PCDHGA3: variants seen among roughly 807,000 people sequenced by gnomAD.
PCDHGA3 encodes the protein protocadherin gamma-A3.
A neutral mutation model predicts 58.5 loss-of-function variants in PCDHGA3; 40 were observed. The observed-to-expected ratio is 0.68, with a 90% CI of 0.53 to 0.89. The LOEUF is 0.89. Ranked by LOEUF, PCDHGA3 falls within the 40% of genes least tolerant of loss-of-function variation. The pLI is 0.00. For synonymous variants in PCDHGA3, 530 were observed against 525.7 expected (o/e 1.01, Z -0.11); for missense variants, 1,223 against 1,195.9 (o/e 1.02, Z -0.33).
At chr5:141,422,887 C>T in intron 1 of PCDHGA3, 1 of 1,614,264 alleles carries the variant, frequency 6.2e-7, no homozygotes, top group Non-Finnish European at 8.5e-7. Context: ...CCTGTTCGTG[C>T]TGGACCAGAA....
chr5:141,361,838 G>T lies in PCDHGA3; in HGVS notation c.2424+15381G>T, dbSNP rs761837286. ...CCACGGGTGCTGTACCCCGCGCTGG[G>T]GCCTGATGGCTCCGCCCTCTTCGAT... On this transcript the variant is annotated intron_variant, in intron 1 of 3. Coordinates refer to ENST00000253812, the MANE Select transcript of PCDHGA3 (RefSeq NM_018916.4). 27 of 1,612,714 alleles carry T rather than the reference G, an allele frequency of 1.7e-5. No individual in the cohort carries two copies. Among genetic ancestry groups the T allele is most frequent in the Non-Finnish European group, 2.2e-5 (26 of 1,179,748 alleles).
At chr5:141,497,956 C>T (rs2099780659) in intron 2 of PCDHGA3, among the ~76,000 whole-genome samples, 1 of 152,214 alleles carries the variant, frequency 6.6e-6, no homozygotes, top group African/African-American at 2.4e-5. Flanking sequence ...TTCTGTTGGC[C>T]AGGCAGTGTT....
intron 1 of PCDHGA3, chr5:141,374,257 G>A (rs1770316361): frequency 6.8e-6 from 11 of 1,614,042 alleles, no homozygotes; most frequent in Non-Finnish European, 7.6e-6. Context: ...AGCCCCAGGA[G>A]TTGGCGGAGC....
chr5:141,389,208 G>A (rs762367131), intron 1 of PCDHGA3: 7 of 1,613,930 alleles, frequency 4.3e-6, no homozygotes, highest in Non-Finnish European at 5.9e-6. Context: ...GCACATTGGT[G>A]ATGTAAATGA....
In PCDHGA3 at chr5:141,422,884, G is replaced by C. The variant is rs202035589; in HGVS notation, c.2425-71923G>C. On this transcript the variant is annotated intron_variant, in intron 1 of 3. Transcript: ENST00000253812. ...CAGCAACGTGTCGCTGAGCCTGTTC[G>C]TGCTGGACCAGAACGACAATGCGCC... The C allele has an allele frequency of 1.7e-4, 278 of 1,614,240 alleles. No homozygotes were observed. The African/African-American group carries it at 2.0e-3, about 12-fold the overall frequency.
intron 1 of PCDHGA3, chr5:141,408,156 T>C: frequency 6.6e-7 from 1 of 1,512,436 alleles, no homozygotes; most frequent in Non-Finnish European, 8.9e-7. Context: ...TAGAGTGCAC[T>C]TTCTCCAACT....
chr5:141,405,149 G>T (rs1469979881), intron 1 of PCDHGA3: 4 of 1,614,038 alleles, frequency 2.5e-6, no homozygotes, highest in Non-Finnish European at 3.4e-6. Context: ...TGATGGGTTG[G>T]CTGGTGTGCC....
chr5:141,387,793 A>T, intron 1 of PCDHGA3: 1 of 1,495,928 alleles, frequency 6.7e-7, no homozygotes, highest in Non-Finnish European at 8.9e-7. Flanking sequence ...CTGCAACTAA[A>T]GTCCGTTCGG....
intron 1 of PCDHGA3, among the ~76,000 whole-genome samples, chr5:141,443,654 G>A (rs2098397947): frequency 6.6e-6 from 1 of 152,150 alleles, no homozygotes; most frequent in Non-Finnish European, 1.5e-5. Context: ...TGTTAGCATA[G>A]CATTTTACTG....
chr5:141,380,568 A>T (rs1449370426), intron 1 of PCDHGA3, among the ~76,000 whole-genome samples: 1 of 152,214 alleles, frequency 6.6e-6, no homozygotes, highest in Admixed American at 6.5e-5. Context: ...TTTATTAAAC[A>T]TATCTTGGCG....
At chr5:141,427,526 G>A (rs956426158) in intron 1 of PCDHGA3, 2 of 612,866 alleles carry the variant, frequency 3.3e-6, no homozygotes, top group Middle Eastern at 2.6e-4. Context: ...AGCGGATCCC[G>A]GAGTACAACG....
At position 141,345,869 on chromosome 5, in the gene PCDHGA3, C is replaced by A. The variant is rs760004877; in HGVS notation, c.1836C>A (p.Ser612Arg). 2 of 1,613,278 alleles carry A rather than the reference C, an allele frequency of 1.2e-6. No individual in the cohort carries two copies. The highest frequency in any genetic ancestry group is 1.7e-6 in the Non-Finnish European group (2 of 1,179,890). ...AWLSYRLLKA[S>R]EPGLFSVGLH... Reference sequence around the variant, plus strand: ...TGTCCTACCGCCTGCTCAAGGCCAGCGAGCCGGGACTCTTCTCGGTGGGTC... The same window carrying A: ...TGTCCTACCGCCTGCTCAAGGCCAGAGAGCCGGGACTCTTCTCGGTGGGTC... Residue 612 changes from serine to arginine, a missense_variant, in exon 1 of 4, where the codon AGC becomes AGA. This residue lies in a region of PCDHGA3 where 107 missense variants were observed against 159.8 expected (regional missense o/e 0.67). Coordinates refer to ENST00000253812, the MANE Select transcript of PCDHGA3 (RefSeq NM_018916.4).
chr5:141,433,208 C>CTTTT, intron 1 of PCDHGA3: 1 of 1,293,074 alleles, frequency 7.7e-7, no homozygotes, highest in African/African-American at 1.5e-5. Flanking sequence ...AATCTTCTTT[C>CTTTT]TTTTTTTTTT....
rs374042624 is a variant in PCDHGA3, at chr5:141,394,490, G to A, written c.2424+48033G>A. The A allele has an allele frequency of 3.7e-6, 6 of 1,614,058 alleles. No individual in the cohort carries two copies. In the Admixed American group the frequency reaches 5.0e-5, roughly 13 times the overall value. ...TCGTGCTGGACCAGAATGACAACGCGCCCGAGATCCTGTACCCCGCCCTCC... is the reference window on the plus strand; with the variant it reads ...TCGTGCTGGACCAGAATGACAACGCACCCGAGATCCTGTACCCCGCCCTCC... On this transcript the variant is annotated intron_variant, in intron 1 of 3. Transcript: ENST00000253812.
At chr5:141,398,857 C>A in intron 1 of PCDHGA3, 2 of 1,613,918 alleles carry the variant, frequency 1.2e-6, no homozygotes, top group Middle Eastern at 1.6e-4. Flanking sequence ...GGTATTCAAC[C>A]GAGACGTGTA....
At position 141,489,985 on chromosome 5, in the gene PCDHGA3, G is replaced by A. The variant is rs761481986; in HGVS notation, c.2425-4822G>A. ...AACCTTCCAATCCTCAGTTCTACGT[G>A]TGGGAATCCCAGAGAATGCACCCAT... On this transcript the variant is annotated intron_variant, in intron 1 of 3. Transcript: ENST00000253812. The surrounding 1 kb of genome is among the most constrained non-coding windows in gnomAD (Gnocchi z 4.5). The A allele has an allele frequency of 1.2e-6, 2 of 1,614,094 alleles. No homozygotes were observed. Among genetic ancestry groups the A allele is most frequent in the African/African-American group, 2.7e-5 (2 of 74,946 alleles).
chr5:141,364,415 G>A (rs368621667), intron 1 of PCDHGA3: 1 of 1,613,082 alleles, frequency 6.2e-7, no homozygotes, highest in East Asian at 2.2e-5. Context: ...GCCAGGATCC[G>A]GGCAGATCCG....
rs769471310 is a variant in PCDHGA3 at position 141,344,768 on chromosome 5, T to C, written c.735T>C (p.Pro245=). The change falls in exon 1 of 4, where the codon CCT becomes CCC. Residue 245 remains proline (P), a synonymous_variant. Coordinates refer to ENST00000253812, the MANE Select transcript of PCDHGA3 (RefSeq NM_018916.4). ...ACAACCCACCAATGTTTACTCAGCC[T>C]GAGTACCGTGTGAGTGTTTGGGAGA... is the stretch of plus-strand genomic sequence containing the variant. The part of the protein sequence containing the change: ...ANDNPPMFTQ[P]EYRVSVWENV... 1 of 1,613,862 alleles carries C rather than the reference T, an allele frequency of 6.2e-7. No individual in the cohort carries two copies. Among genetic ancestry groups the C allele is most frequent in the Non-Finnish European group, 8.5e-7 (1 of 1,179,898 alleles).
At chr5:141,408,373 T>C in intron 1 of PCDHGA3, 1 of 1,613,952 alleles carries the variant, frequency 6.2e-7, no homozygotes, top group Non-Finnish European at 8.5e-7. Flanking sequence ...TAGGGCTCAG[T>C]GTCCTGGATG....
Sources: allele counts gnomAD v4.1 joint callset (sites outside exome capture counted in the v4.1 genomes callset), GRCh38; gene constraint gnomAD v4.1.1; regional missense constraint gnomAD v4.1.1; non-coding constraint Gnocchi (gnomAD v3.1); transcripts MANE v1.5; gene names NCBI Gene and HGNC (gene_info 2026-07-23, HGNC 2026-07-21).